Variants in KCNIP3 observed in about 807,000 individuals in gnomAD.
KCNIP3 encodes the protein calsenilin.
A neutral mutation model predicts 35.0 loss-of-function variants in KCNIP3; 28 were observed. The ratio of observed to expected loss-of-function variants is 0.80; its 90% CI spans 0.59 to 1.10. The LOEUF (loss-of-function observed/expected upper bound fraction) is 1.10. Ranked by LOEUF, KCNIP3 falls within the 50% of genes least tolerant of loss-of-function variation. KCNIP3 has a pLI of 0.00. For synonymous variants in KCNIP3, 134 were observed against 133.8 expected (o/e 1.00, Z -0.01); for missense variants, 295 against 338.4 (o/e 0.87, Z 1.01).
At chr2:95,321,040 C>CAGCCTCTCCTCCCCACACCCCA (rs1394952538) in intron 2 of KCNIP3, among the ~76,000 whole-genome samples, 6 of 144,882 alleles carry the variant, frequency 4.1e-5, no homozygotes, top group Non-Finnish European at 6.0e-5. Context: ...CCCACACCCC[C>CAGCCTCTCCTCCCCACACCCCA]AGCCTCTCCT....
intron 2 of KCNIP3, among the ~76,000 whole-genome samples, chr2:95,325,722 TATACAC>T (rs1028110613): frequency 4.8e-5 from 7 of 146,608 alleles, no homozygotes; most frequent in African/African-American, 1.8e-4. Flanking sequence ...GTCATACACT[TATACAC>T]ATACACACTC....
In KCNIP3 at chr2:95,320,447, C is replaced by T. The variant is rs1479089308; in HGVS notation, c.181+9927C>T. Among the ~76,000 whole-genome samples the T allele has an allele frequency of 5.3e-5, 8 of 152,162 alleles. No homozygotes were observed. In the South Asian group the frequency reaches 1.0e-3, roughly 20 times the overall value. ...GGTGTGGTGGGGTGTGGGCGGGTCC[C>T]GGGTCTCTATGCCCTTCCCAGACCT... On this transcript the variant is annotated intron_variant, in intron 2 of 8. Coordinates refer to ENST00000295225, the MANE Select transcript of KCNIP3 (RefSeq NM_013434.5).
intron 5 of KCNIP3, among the ~76,000 whole-genome samples, chr2:95,375,579 A>G (rs202053824): frequency 6.6e-6 from 1 of 152,108 alleles, no homozygotes; most frequent in East Asian, 1.9e-4. Context: ...TGAGACCTCC[A>G]TTTTCAGAAT....
chr2:95,348,259 C>T (rs1679426043), intron 2 of KCNIP3, among the ~76,000 whole-genome samples: 1 of 152,230 alleles, frequency 6.6e-6, no homozygotes, highest in Non-Finnish European at 1.5e-5. Flanking sequence ...TGGGCCTTCG[C>T]TCGGCCGGAT....
intron 2 of KCNIP3, among the ~76,000 whole-genome samples, chr2:95,314,957 C>A (rs2104216765): frequency 6.6e-6 from 1 of 152,322 alleles, no homozygotes; most frequent in East Asian, 1.9e-4. Flanking sequence ...GCAACGGCTG[C>A]CAGAACCAGT....
chr2:95,342,181 G>T (rs1421557251), intron 2 of KCNIP3, among the ~76,000 whole-genome samples: 1 of 152,126 alleles, frequency 6.6e-6, no homozygotes, highest in Non-Finnish European at 1.5e-5. Context: ...AGAGAGGAGG[G>T]GCCCGGCCAT....
At chr2:95,316,113 C>T (rs2104218935) in intron 2 of KCNIP3, among the ~76,000 whole-genome samples, 1 of 152,380 alleles carries the variant, frequency 6.6e-6, no homozygotes, top group South Asian at 2.1e-4. Flanking sequence ...TTGCTCAAAA[C>T]CCAAGAGACC....
At chr2:95,329,044 G>A (rs1339488558) in intron 2 of KCNIP3, among the ~76,000 whole-genome samples, 1 of 152,210 alleles carries the variant, frequency 6.6e-6, no homozygotes, top group Non-Finnish European at 1.5e-5. Flanking sequence ...GGACTGCAGA[G>A]ACCTTGGGCA....
At chr2:95,332,485 G>C (rs1678956860) in intron 2 of KCNIP3, among the ~76,000 whole-genome samples, 1 of 152,256 alleles carries the variant, frequency 6.6e-6, no homozygotes, top group Non-Finnish European at 1.5e-5. Flanking sequence ...AAAAGTCATG[G>C]AGGAGAGTTC....
intron 5 of KCNIP3, among the ~76,000 whole-genome samples, 174 bp from the exon 6 acceptor site, chr2:95,381,422 C>T (rs571019703): frequency 3.9e-5 from 6 of 152,314 alleles, no homozygotes; most frequent in Non-Finnish European, 7.4e-5. Context: ...CCCGTGCATG[C>T]GCTCACACAC....
Position 95,382,305 on chromosome 2 carries a change from G to A in KCNIP3, c.556-72G>A, listed in dbSNP as rs1410452569. On this transcript the variant is annotated intron_variant, in intron 6 of 8. Transcript: ENST00000295225. This position sits in a 1 kb window ranked among gnomAD's most constrained non-coding sequence, Gnocchi z 4.5. ...TTGGAGGTGCCCTGCACCCTTGGAT[G>A]CCGCCCGCTCCCTTTGGGCCCTCAC... 7.2e-6 allele frequency: 7 copies of A among 972,198 alleles called. No individual in the cohort carries two copies. 60.2% of individuals were successfully genotyped at this position (972,198 alleles called of 1,614,324 possible). A position where few individuals can be genotyped will look rare whatever the true frequency, so the allele number is the denominator to read the frequency against.
At chr2:95,349,302 C>G (rs1679454103) in intron 2 of KCNIP3, among the ~76,000 whole-genome samples, 1 of 152,188 alleles carries the variant, frequency 6.6e-6, no homozygotes, top group Non-Finnish European at 1.5e-5. Context: ...ACTGTTGCCC[C>G]AGCTCTGCTC....
intron 2 of KCNIP3, among the ~76,000 whole-genome samples, chr2:95,331,911 G>A (rs1663452156): frequency 6.6e-6 from 1 of 152,216 alleles, no homozygotes; most frequent in African/African-American, 2.4e-5. Context: ...AGCCAACCAT[G>A]AAGCCACATG....
At chr2:95,353,383 G>C in intron 2 of KCNIP3, among the ~76,000 whole-genome samples, 1 of 152,196 alleles carries the variant, frequency 6.6e-6, no homozygotes, top group East Asian at 1.9e-4. Context: ...GGATCAGATC[G>C]GATTCAGAGG....
chr2:95,383,170 G>T, intron 7 of KCNIP3, 62 bp from the exon 8 acceptor site: 1 of 1,401,806 alleles, frequency 7.1e-7, no homozygotes, highest in East Asian at 2.6e-5. Flanking sequence ...GCGTCCTCAG[G>T]CCAGGGGCGG....
At chr2:95,347,396 C>T (rs1273336275) in intron 2 of KCNIP3, among the ~76,000 whole-genome samples, 1 of 152,184 alleles carries the variant, frequency 6.6e-6, no homozygotes, top group Admixed American at 6.5e-5. Context: ...GCCTGCAGTC[C>T]GGGCGCCCCT....
intron 2 of KCNIP3, among the ~76,000 whole-genome samples, chr2:95,370,004 T>C (rs1680005466): frequency 6.6e-6 from 1 of 152,224 alleles, no homozygotes; most frequent in African/African-American, 2.4e-5. Flanking sequence ...TTTTTAATTT[T>C]TCTATTAAGA....
intron 6 of KCNIP3, among the ~76,000 whole-genome samples, chr2:95,381,927 G>A (rs960039705): frequency 1.3e-5 from 2 of 152,116 alleles, no homozygotes; most frequent in Non-Finnish European, 2.9e-5. Context: ...CACACATCTC[G>A]GTCCAGCTCA....
At chr2:95,306,436 G>A (rs1422036349) in intron 1 of KCNIP3, among the ~76,000 whole-genome samples, 2 of 152,174 alleles carry the variant, frequency 1.3e-5, no homozygotes, top group East Asian at 3.8e-4. Context: ...TTCCACTCTC[G>A]CAGAGCTGAT....
Sources: allele counts gnomAD v4.1 joint callset (sites outside exome capture counted in the v4.1 genomes callset), GRCh38; gene constraint gnomAD v4.1.1; non-coding constraint Gnocchi (gnomAD v3.1); transcripts MANE v1.5; gene names NCBI Gene and HGNC (gene_info 2026-07-23, HGNC 2026-07-21).